The following RHBDL3 variants were observed in gnomAD, a reference collection of about 807,000 sequenced individuals.
RHBDL3 encodes rhomboid like 3, also known as rhomboid-related protein 3.
A neutral mutation model predicts 48.2 loss-of-function variants in RHBDL3; 28 were observed. The observed-to-expected ratio is 0.58, with a 90% CI of 0.43 to 0.80. RHBDL3 has a LOEUF of 0.80. RHBDL3 is among the 30% of genes least tolerant of loss of function. RHBDL3 has a pLI of 0.00. For synonymous variants in RHBDL3, 208 were observed against 232.3 expected (o/e 0.90, Z 0.95); for missense variants, 464 against 542.7 (o/e 0.85, Z 1.44).
At chr17:32,296,525 A>G (rs1039164465) in intron 5 of RHBDL3, among the ~76,000 whole-genome samples, 3 of 151,316 alleles carry the variant, frequency 2.0e-5, no homozygotes, top group Middle Eastern at 3.4e-3. Flanking sequence ...TAGTAGAGAT[A>G]GGGTTTCACC....
At chr17:32,273,944 C>T (rs1041963578) in intron 2 of RHBDL3, among the ~76,000 whole-genome samples, 1 of 152,114 alleles carries the variant, frequency 6.6e-6, no homozygotes, top group Non-Finnish European at 1.5e-5. Context: ...CCATGTTGGC[C>T]GGGGTGGTCT....
chr17:32,294,994 A>C (rs1011425789), intron 5 of RHBDL3, among the ~76,000 whole-genome samples: 5 of 152,210 alleles, frequency 3.3e-5, no homozygotes, highest in African/African-American at 1.2e-4. Context: ...CCAGCTGGCC[A>C]GGTGACCACC....
chr17:32,294,823 G>A (rs2040412455), intron 5 of RHBDL3, among the ~76,000 whole-genome samples: 1 of 152,106 alleles, frequency 6.6e-6, no homozygotes, highest in African/African-American at 2.4e-5. Flanking sequence ...GTCCATAACT[G>A]TGTGTGAGTG....
rs188901643 is a variant in RHBDL3, at chr17:32,319,377, G to A, written c.944-1581G>A. ...GCGGAGCTTGCAGTGAGCCGAGATC[G>A]CGCCACTGCACTCCAGCCTGGGCAA... On this transcript the variant is annotated intron_variant, in intron 8 of 8. Transcript: ENST00000269051. 1.0e-2 allele frequency among the ~76,000 whole-genome samples: 1,405 copies of A among 140,620 alleles called. 28 individuals are homozygous for A. The highest frequency in any genetic ancestry group is 0.035 in the African/African-American group (1,309 of 37,330). 92.3% of individuals were successfully genotyped at this position (140,620 alleles called of 152,430 possible).
intron 6 of RHBDL3, 50 bp from the exon 7 acceptor site, chr17:32,305,291 G>A (rs370027112): frequency 5.1e-5 from 67 of 1,308,716 alleles, no homozygotes; most frequent in Non-Finnish European, 7.1e-5. Context: ...GCTGGGTTGG[G>A]TGAGCCGAGT....
rs117784787 is a variant in RHBDL3 at position 32,290,505 on chromosome 17, G to A, written c.519+1489G>A. Among the ~76,000 whole-genome samples, 244 of 152,208 alleles carry A rather than the reference G, an allele frequency of 1.6e-3. 4 individuals carry two copies. In the East Asian group the frequency reaches 0.017, roughly 11 times the overall value. ...CTGAAATAACGATCTCGAAGCCCTGGGGCTACAATGCCCAAGGCTTTTGTC... is the reference window on the plus strand; with the variant it reads ...CTGAAATAACGATCTCGAAGCCCTGAGGCTACAATGCCCAAGGCTTTTGTC... On this transcript the variant is annotated intron_variant, in intron 4 of 8. Coordinates refer to ENST00000269051, the MANE Select transcript of RHBDL3 (RefSeq NM_138328.3).
At chr17:32,290,923 C>T (rs1396613533) in intron 4 of RHBDL3, among the ~76,000 whole-genome samples, 1 of 150,820 alleles carries the variant, frequency 6.6e-6, no homozygotes, top group African/African-American at 2.4e-5. Flanking sequence ...ATCGCTTCAG[C>T]CCAGGAGGTC....
Position 32,315,155 on chromosome 17 carries a change from G to A in RHBDL3, c.883-1077G>A, listed in dbSNP as rs909297627. 3.3e-5 allele frequency among the ~76,000 whole-genome samples: 5 copies of A among 152,322 alleles called. No homozygotes were observed. The East Asian group carries it at 5.8e-4, about 18-fold the overall frequency. On this transcript the variant is annotated intron_variant, in intron 7 of 8. Coordinates refer to ENST00000269051, the MANE Select transcript of RHBDL3 (RefSeq NM_138328.3). ...GTTCAGGGCCTCTGTAAAGTTACAC[G>A]GATGTTCCTGCAACCTCAAAGAAGT...
chr17:32,277,466 G>T lies in RHBDL3; in HGVS notation c.136-7193G>T, dbSNP rs536562118. Among the ~76,000 whole-genome samples, 35 of 152,340 alleles carry T rather than the reference G, an allele frequency of 2.3e-4. 1 individual carries two copies. The South Asian group carries it at 6.0e-3, about 26-fold the overall frequency. ...GAGAAGCAGTGCTGCTGTCCTGGGT[G>T]CTGAGCAGGCAAATCCCAGCTCCAG... On this transcript the variant is annotated intron_variant, in intron 2 of 8. Coordinates refer to ENST00000269051, the MANE Select transcript of RHBDL3 (RefSeq NM_138328.3).
chr17:32,300,774 C>G (rs771096430), intron 6 of RHBDL3, among the ~76,000 whole-genome samples: 2 of 152,184 alleles, frequency 1.3e-5, no homozygotes, highest in Non-Finnish European at 2.9e-5. Context: ...GGTACTACCA[C>G]TCCCATTTTA....
At chr17:32,313,816 G>C (rs1272280938) in intron 7 of RHBDL3, among the ~76,000 whole-genome samples, 2 of 144,896 alleles carry the variant, frequency 1.4e-5, no homozygotes, top group Non-Finnish European at 3.0e-5. Flanking sequence ...GAGTGCAGTG[G>C]TGTGATCTCG....
intron 2 of RHBDL3, among the ~76,000 whole-genome samples, chr17:32,275,540 G>A (rs1013864111): frequency 6.6e-5 from 10 of 150,844 alleles, no homozygotes; most frequent in African/African-American, 1.7e-4. Context: ...AGCTGCATGC[G>A]TTCCAGGGAA....
chr17:32,313,850 G>A (rs1394240888), intron 7 of RHBDL3, among the ~76,000 whole-genome samples: 2 of 136,932 alleles, frequency 1.5e-5, no homozygotes, highest in South Asian at 2.4e-4. Flanking sequence ...TCTGCCTCCC[G>A]AGTTCACGCC....
At position 32,284,631 on chromosome 17, in the gene RHBDL3, A is replaced by G. The variant is rs750737705; in HGVS notation, c.136-28A>G. On this transcript the variant is annotated intron_variant, in intron 2 of 8. Coordinates refer to ENST00000269051, the MANE Select transcript of RHBDL3 (RefSeq NM_138328.3). The stretch of plus-strand genomic sequence containing the variant: ...GTGAAGAGGAGGTGGTGCCCTGCTG[A>G]CCCTGCTGCTGTCTGCTTTTCCCTC... The G allele has an allele frequency of 2.5e-6, 4 of 1,609,840 alleles. No individual in the cohort carries two copies. The Admixed American group carries it at 6.7e-5, about 27-fold the overall frequency.
chr17:32,267,748 C>A, intron 1 of RHBDL3, 154 bp from the exon 2 acceptor site: 1 of 1,442,636 alleles, frequency 6.9e-7, no homozygotes. Flanking sequence ...TTCCCCTGCT[C>A]TCCTGTGGCC....
chr17:32,304,894 G>C (rs72811077), intron 6 of RHBDL3, among the ~76,000 whole-genome samples: 18,915 of 152,076 alleles, frequency 0.12, 1,609 homozygotes, highest in African/African-American at 0.24. Context: ...GAGGCAAGAG[G>C]ATTGCTTGAG....
chr17:32,269,884 A>G (rs2039730468), intron 2 of RHBDL3, among the ~76,000 whole-genome samples: 1 of 152,110 alleles, frequency 6.6e-6, no homozygotes, highest in South Asian at 2.1e-4. Flanking sequence ...AGATTTTGGA[A>G]CTCAAGGGAG....
chr17:32,276,857 C>T (rs2039923059), intron 2 of RHBDL3, among the ~76,000 whole-genome samples: 1 of 98,470 alleles, frequency 1.0e-5, no homozygotes, highest in Non-Finnish European at 1.8e-5. Context: ...TAGCACCTTA[C>T]TCCGGCCCTA....
At chr17:32,294,616 T>A (rs2040408564) in intron 5 of RHBDL3, among the ~76,000 whole-genome samples, 174 bp downstream of exon 5, 1 of 151,816 alleles carries the variant, frequency 6.6e-6, no homozygotes, top group Non-Finnish European at 1.5e-5. Flanking sequence ...TTATTGAGAG[T>A]GAATGGGAAA....
Sources: allele counts gnomAD v4.1 joint callset (sites outside exome capture counted in the v4.1 genomes callset), GRCh38; gene constraint gnomAD v4.1.1; transcripts MANE v1.5; gene names NCBI Gene and HGNC (gene_info 2026-07-23, HGNC 2026-07-21).